Variants in GABRG3 observed in about 807,000 individuals in gnomAD.
The protein encoded by GABRG3 is gamma-aminobutyric acid type A receptor subunit gamma3, also known as gamma-aminobutyric acid receptor subunit gamma-3.
Under a neutral mutation model 48.8 loss-of-function variants are expected in GABRG3, and 25 were observed. That is an observed-to-expected ratio of 0.51 (90% CI 0.37 to 0.72). The LOEUF is 0.72. GABRG3 is among the 30% of genes least tolerant of loss of function. The pLI is 0.00. For missense variants in GABRG3, 394 were observed against 577.9 expected, an observed-to-expected ratio of 0.68 and a Z score of 3.26; for synonymous variants, 227 against 217.6, an observed-to-expected ratio of 1.04 and a Z score of -0.38.
At chr15:27,465,441 G>A (rs755342242) in intron 5 of GABRG3, among the ~76,000 whole-genome samples, 3 of 152,126 alleles carry the variant, frequency 2.0e-5, no homozygotes, top group Non-Finnish European at 4.4e-5. Context: ...GCCAACTGAT[G>A]CCCCACAATG....
At chr15:27,049,224 C>T (rs1014697682) in intron 3 of GABRG3, among the ~76,000 whole-genome samples, 1 of 152,164 alleles carries the variant, frequency 6.6e-6, no homozygotes, top group African/African-American at 2.4e-5. Flanking sequence ...TGTGCTGGGC[C>T]CCACAAATTA....
intron 3 of GABRG3, among the ~76,000 whole-genome samples, chr15:27,309,758 A>G (rs1236566151): frequency 6.6e-6 from 1 of 152,102 alleles, no homozygotes; most frequent in East Asian, 1.9e-4. Flanking sequence ...ACAGTTTGAC[A>G]GTTTCTTATA....
At chr15:27,001,064 C>A (rs972151941) in intron 2 of GABRG3, among the ~76,000 whole-genome samples, 1 of 152,200 alleles carries the variant, frequency 6.6e-6, no homozygotes, top group Non-Finnish European at 1.5e-5. Flanking sequence ...GTCTCCATGT[C>A]ACGAGCCATA....
chr15:27,306,872 T>A, intron 3 of GABRG3, among the ~76,000 whole-genome samples: 1 of 93,256 alleles, frequency 1.1e-5, no homozygotes, highest in African/African-American at 4.8e-5. Context: ...ATAAACATGT[T>A]TATATATAAA....
intron 3 of GABRG3, among the ~76,000 whole-genome samples, chr15:27,276,603 A>G (rs1383448731): frequency 6.6e-6 from 1 of 152,184 alleles, no homozygotes; most frequent in Non-Finnish European, 1.5e-5. Flanking sequence ...CCGAGTTACT[A>G]AGAGAGTTGG....
chr15:27,532,560 C>T (rs1891449190), intron 9 of GABRG3, 40 bp from the exon 10 acceptor site: 1 of 1,594,648 alleles, frequency 6.3e-7, no homozygotes, highest in East Asian at 2.2e-5. Flanking sequence ...GTTTTTATTG[C>T]ATTTTACAAT....
At position 27,534,053 on chromosome 15, in the gene GABRG3, G is replaced by T. The variant is rs1360304288; in HGVS notation, c.*1172G>T. 1 of 151,618 alleles carries T rather than the reference G, an allele frequency of 6.6e-6. No homozygotes were observed. The highest frequency in any genetic ancestry group is 2.4e-5 in the African/African-American group (1 of 41,212). 9.4% of individuals were successfully genotyped at this position (151,618 alleles called of 1,614,324 possible). A position where few individuals can be genotyped will look rare whatever the true frequency, so the allele number is the denominator to read the frequency against. On this transcript the variant is annotated 3_prime_UTR_variant, in exon 10 of 10. Coordinates refer to ENST00000615808, the MANE Select transcript of GABRG3 (RefSeq NM_033223.5). ...TTTTGGGTTTTTTTAGTAGAGACGG[G>T]GTTTCACCATGTTGGCCTGGCTGGT...
chr15:27,072,712 G>C (rs536442829), intron 3 of GABRG3, among the ~76,000 whole-genome samples: 1 of 152,300 alleles, frequency 6.6e-6, no homozygotes, highest in South Asian at 2.1e-4. Flanking sequence ...GGTGCCCCAG[G>C]ATTGTTTCCA....
intron 3 of GABRG3, among the ~76,000 whole-genome samples, chr15:27,197,729 G>T (rs576425060): frequency 6.6e-6 from 1 of 152,094 alleles, no homozygotes; most frequent in Admixed American, 6.6e-5. Flanking sequence ...CTGTGAATCT[G>T]TCTCGTCCTG....
chr15:27,488,035 C>T (rs1212182492), intron 6 of GABRG3, among the ~76,000 whole-genome samples: 4 of 152,192 alleles, frequency 2.6e-5, no homozygotes, highest in South Asian at 2.1e-4. Flanking sequence ...CTCTAGAATG[C>T]GCCAGGAGAA....
At chr15:27,151,943 A>G (rs1186102051) in intron 3 of GABRG3, among the ~76,000 whole-genome samples, 8 of 152,186 alleles carry the variant, frequency 5.3e-5, no homozygotes, top group African/African-American at 1.9e-4. Flanking sequence ...ATTTTACTCC[A>G]GTCTGTAGCT....
chr15:27,300,392 G>A (rs560124033), intron 3 of GABRG3, among the ~76,000 whole-genome samples: 81 of 152,090 alleles, frequency 5.3e-4, no homozygotes, highest in African/African-American at 1.7e-3. Flanking sequence ...GGCCAGGCAC[G>A]GTCACTCACA....
chr15:27,213,894 A>G (rs1477953954), intron 3 of GABRG3, among the ~76,000 whole-genome samples: 2 of 152,162 alleles, frequency 1.3e-5, no homozygotes, highest in Non-Finnish European at 2.9e-5. Flanking sequence ...CTTGTTTGCA[A>G]CCTGGGATTG....
chr15:27,315,877 C>G (rs10438510), intron 3 of GABRG3, among the ~76,000 whole-genome samples: 1 of 152,150 alleles, frequency 6.6e-6, no homozygotes, highest in African/African-American at 2.4e-5. Context: ...CCTTATGTAG[C>G]TCAAGCTACT....
chr15:27,279,834 G>T (rs562752604), intron 3 of GABRG3, among the ~76,000 whole-genome samples: 2 of 152,004 alleles, frequency 1.3e-5, no homozygotes, highest in Non-Finnish European at 2.9e-5. Flanking sequence ...ACAGGTTAGC[G>T]TTATGATTAG....
At chr15:27,290,019 TG>T (rs1891745295) in intron 3 of GABRG3, among the ~76,000 whole-genome samples, 1 of 152,096 alleles carries the variant, frequency 6.6e-6, no homozygotes. Flanking sequence ...ATTCTGTCAC[TG>T]GAGAAGGAAA....
In GABRG3 at chr15:27,329,604, A is replaced by T. The variant is rs1893737394; in HGVS notation, c.574+716A>T. ...TTAAAGTAAGGTGATTTGTCTACCA[A>T]GTAGAAAGATACAAATTTTTCTTTA... is the stretch of plus-strand genomic sequence containing the variant. On this transcript the variant is annotated intron_variant, in intron 5 of 9. Transcript: ENST00000615808. 2.6e-5 allele frequency among the ~76,000 whole-genome samples: 4 copies of T among 152,324 alleles called. No individual in the cohort carries two copies. In the South Asian group the frequency reaches 8.3e-4, roughly 32 times the overall value.
chr15:27,114,272 A>G (rs1325764411), intron 3 of GABRG3, among the ~76,000 whole-genome samples: 3 of 152,184 alleles, frequency 2.0e-5, no homozygotes, highest in African/African-American at 7.2e-5. Context: ...GGGGGTACTG[A>G]TTGCCATTAC....
chr15:27,088,465 G>C (rs1412524319), intron 3 of GABRG3, among the ~76,000 whole-genome samples: 2 of 152,128 alleles, frequency 1.3e-5, no homozygotes, highest in Non-Finnish European at 2.9e-5. Flanking sequence ...TGTGTGCCGG[G>C]CAGGCTGCGG....
Sources: gnomAD v4.1 joint callset for allele counts (sites outside exome capture counted in the v4.1 genomes callset) on GRCh38, gnomAD v4.1.1 for gene constraint, MANE v1.5 for transcripts, NCBI Gene and HGNC (gene_info 2026-07-23, HGNC 2026-07-21) for gene names.